The following RIF1 variants were observed in gnomAD, a reference collection of about 807,000 sequenced individuals.
RIF1 encodes replication timing regulatory factor 1, also known as telomere-associated protein RIF1.
A neutral mutation model predicts 247.1 loss-of-function variants in RIF1; 45 were observed. The observed-to-expected ratio is 0.18, with a 90% CI of 0.14 to 0.23. The LOEUF (loss-of-function observed/expected upper bound fraction) is 0.23. Among genes scored for constraint, RIF1 ranks in the 10% least tolerant of loss-of-function variants. The pLI, the probability that RIF1 is intolerant of heterozygous loss-of-function variation, is 1.00. For missense variants in RIF1, 2,967 were observed against 2,862.5 expected (o/e 1.04, Z -0.83); for synonymous variants, 1,087 against 978.8 (o/e 1.11, Z -2.06).
chr2:151,528,110 C>G, the RIF1 span, among the ~76,000 whole-genome samples: 2 of 152,100 alleles, frequency 1.3e-5, no homozygotes, highest in Non-Finnish European at 2.9e-5. Context: ...CAAGGTGAGA[C>G]TTAGCAATTG....
intron 13 of RIF1, chr2:151,507,202 CAT>C (rs1047772060): frequency 8.0e-5 from 43 of 540,048 alleles, no homozygotes; most frequent in Non-Finnish European, 1.3e-4. Flanking sequence ...TTTTAAAAAA[CAT>C]ATAAAGCTAG....
rs2048976878 is a variant in RIF1 at position 151,477,308 on chromosome 2, A to G, written c.*2237A>G. On this transcript the variant is annotated 3_prime_UTR_variant, in exon 36 of 36. Transcript: ENST00000444746. The stretch of plus-strand genomic sequence containing the variant: ...GAATTCGTTTTTTCAGATCTTTTCT[A>G]ATGGTTAATAAAACAAATGTCAGAT... 1 of 152,222 alleles carries G rather than the reference A, an allele frequency of 6.6e-6. No individual in the cohort carries two copies. The allele number at this position is 152,222 out of a possible 1,614,324, so 9.4% of individuals were successfully genotyped here.
chr2:151,447,800 C>T (rs1693583910), intron 20 of RIF1, among the ~76,000 whole-genome samples: 1 of 152,144 alleles, frequency 6.6e-6, no homozygotes, highest in African/African-American at 2.4e-5. Flanking sequence ...CTTGGCCTCC[C>T]AAAGTGCTAG....
chr2:151,512,084 G>A (rs1427349399), downstream of RIF1, among the ~76,000 whole-genome samples: 3 of 139,772 alleles, frequency 2.1e-5, no homozygotes, highest in South Asian at 2.3e-4. Context: ...AGGCTGGAGT[G>A]CAGTGGCGTG....
rs750989197 is a variant in RIF1, at chr2:151,474,847, T to C, written c.7205-10T>C. The C allele has an allele frequency of 5.6e-5, 80 of 1,426,350 alleles. No individual in the cohort carries two copies. In the Admixed American group the frequency reaches 1.2e-3, roughly 21 times the overall value. The allele number at this position is 1,426,350 out of a possible 1,614,324, so 88.4% of individuals were successfully genotyped here. Reference sequence around the variant, plus strand: ...ATAGATTTAATTGTGGTTTTTTTTTTCTCTTTTAGATATAATTGATCCTGT... The same window carrying C: ...ATAGATTTAATTGTGGTTTTTTTTTCCTCTTTTAGATATAATTGATCCTGT... On this transcript the variant is annotated splice_polypyrimidine_tract_variant and intron_variant, in intron 35 of 35. Coordinates refer to ENST00000444746, the MANE Select transcript of RIF1 (RefSeq NM_018151.5).
At chr2:151,509,473 T>C (rs2072233923), downstream of RIF1, among the ~76,000 whole-genome samples, 1 of 152,152 alleles carries the variant, frequency 6.6e-6, no homozygotes, top group Admixed American at 6.5e-5. Flanking sequence ...AGAGGGATAA[T>C]CACATTTGCA....
At chr2:151,490,007 C>A (rs200083849) in intron 9 of RIF1, 2 of 1,612,288 alleles carry the variant, frequency 1.2e-6, no homozygotes, top group Non-Finnish European at 1.7e-6. Context: ...TGGAAGATAC[C>A]GTTGTCTGTT....
At position 151,443,329 on chromosome 2, in the gene RIF1, G is replaced by A. The variant is rs1247100875; in HGVS notation, c.1805G>A (p.Arg602Lys). 2 of 1,571,676 alleles carry A rather than the reference G, an allele frequency of 1.3e-6. No homozygotes were observed. The highest frequency in any genetic ancestry group is 1.4e-5 in the African/African-American group (1 of 73,826). ...TTGGAATGTGGTGTATCAGATGAAAGGTAAGTTTGTACTTTAACTTGAAAC... is the reference window on the plus strand; with the variant it reads ...TTGGAATGTGGTGTATCAGATGAAAAGTAAGTTTGTACTTTAACTTGAAAC... ...NFLECGVSDE[R>K]FFLSLESLVG... The change falls in exon 17 of 36, where the codon AGG becomes AAG. Residue 602 changes from arginine (R) to lysine (K), a missense_variant and splice_region_variant. Transcript: ENST00000444746.
At chr2:151,505,040 A>G (rs1027189164) in intron 12 of RIF1, among the ~76,000 whole-genome samples, 2 of 152,186 alleles carry the variant, frequency 1.3e-5, no homozygotes, top group East Asian at 1.9e-4. Context: ...TATCATTCAT[A>G]TGATGTGTCA....
In RIF1 at chr2:151,454,955, C is replaced by A; in HGVS notation, c.2405C>A (p.Ser802Tyr). The A allele has an allele frequency of 6.2e-7, 1 of 1,613,150 alleles. No individual in the cohort carries two copies. Residue 802 changes from serine to tyrosine, a missense_variant, in exon 22 of 36, where the codon TCT becomes TAT. By Grantham distance (144) the Ser-to-Tyr change is moderately radical (BLOSUM62 -2). Coordinates refer to ENST00000444746, the MANE Select transcript of RIF1 (RefSeq NM_018151.5). ...KKNEPLGKLT[S>Y]LFKLIVKVIY... is the part of the protein sequence containing the mutation. The stretch of plus-strand genomic sequence containing the variant: ...AATGAGCCCCTAGGGAAATTGACTT[C>A]TTTATTTAAACTTATTGTGAAAGTG...
Position 151,463,927 on chromosome 2 carries a change from T to A in RIF1, c.4407T>A (p.Ile1469=). ...ATGTGTTACCTAAACAAAAACTGAT[T>A]GCTGAACAAACTCTACAGGAGAATT... is the stretch of plus-strand genomic sequence containing the variant. ...KDDVLPKQKL[I]AEQTLQENLI... Residue 1469 remains isoleucine (I), a synonymous_variant, in exon 30 of 36, where the codon ATT becomes ATA. Coordinates refer to ENST00000444746, the MANE Select transcript of RIF1 (RefSeq NM_018151.5). 1.2e-6 allele frequency: 2 copies of A among 1,613,410 alleles called. No homozygotes were observed. Among genetic ancestry groups the A allele is most frequent in the Non-Finnish European group, 1.7e-6 (2 of 1,179,848 alleles).
intron 11 of RIF1, among the ~76,000 whole-genome samples, chr2:151,502,149 G>A (rs1307277996): frequency 6.6e-6 from 1 of 152,146 alleles, no homozygotes; most frequent in Non-Finnish European, 1.5e-5. Flanking sequence ...TGTTCTCACT[G>A]ATATGTGGGA....
At chr2:151,448,922 A>T (rs1693781656) in intron 20 of RIF1, among the ~76,000 whole-genome samples, 1 of 152,306 alleles carries the variant, frequency 6.6e-6, no homozygotes, top group East Asian at 1.9e-4. Flanking sequence ...TCTTTTCCAG[A>T]AGAAACTTGG....
chr2:151,461,350 A>G lies in RIF1; in HGVS notation c.3227+61A>G, dbSNP rs1417098654. On this transcript the variant is annotated intron_variant, in intron 27 of 35. Coordinates refer to ENST00000444746, the MANE Select transcript of RIF1 (RefSeq NM_018151.5). ...TATTCAGGCTTAGATTTCATGCAAGAAAAGTGTAACTTTGTGTTTAGAACT... is the reference window on the plus strand; with the variant it reads ...TATTCAGGCTTAGATTTCATGCAAGGAAAGTGTAACTTTGTGTTTAGAACT... The G allele has an allele frequency of 2.6e-6, 4 of 1,514,428 alleles. No homozygotes were observed. In the Admixed American group the frequency reaches 5.9e-5, roughly 22 times the overall value. The allele number at this position is 1,514,428 out of a possible 1,614,324, so 93.8% of individuals were successfully genotyped here.
chr2:151,435,372 G>A (rs1007094828), intron 10 of RIF1, 91 bp from the exon 11 acceptor site: 1 of 773,434 alleles, frequency 1.3e-6, no homozygotes, highest in East Asian at 2.5e-5. Context: ...ATATATTAAG[G>A]CTCCATTTAA....
chr2:151,521,490 T>C, the RIF1 span, among the ~76,000 whole-genome samples: 20 of 152,304 alleles, frequency 1.3e-4, no homozygotes, highest in African/African-American at 2.9e-4. Flanking sequence ...CTAAGAGATA[T>C]AGAAGTCCAT....
At chr2:151,445,704 C>T (rs1693145935) in intron 19 of RIF1, among the ~76,000 whole-genome samples, 1 of 151,928 alleles carries the variant, frequency 6.6e-6, no homozygotes, top group Non-Finnish European at 1.5e-5. Flanking sequence ...CATGCCACTG[C>T]GCCCAGCTAA....
At chr2:151,442,157 C>A (rs1441454329) in intron 16 of RIF1, among the ~76,000 whole-genome samples, 166 bp downstream of exon 16, 2 of 151,214 alleles carry the variant, frequency 1.3e-5, no homozygotes, top group African/African-American at 2.4e-5. Flanking sequence ...CTCACTGCAA[C>A]CTCCGCCTCC....
chr2:151,497,046 A>G, intron 10 of RIF1: 1 of 1,559,560 alleles, frequency 6.4e-7, no homozygotes, highest in Non-Finnish European at 8.7e-7. Context: ...GTGCGATAAG[A>G]AAGCAACCAG....
Sources: gnomAD v4.1 joint callset for allele counts (sites outside exome capture counted in the v4.1 genomes callset) on GRCh38, gnomAD v4.1.1 for gene constraint, MANE v1.5 for transcripts, NCBI Gene and HGNC (gene_info 2026-07-23, HGNC 2026-07-21) for gene names.